ILDR2: variants seen among roughly 807,000 people sequenced by gnomAD.
ILDR2 encodes the protein immunoglobulin-like domain-containing receptor 2.
ILDR2 carries 25 observed loss-of-function variants against 66.8 expected under a neutral mutation model. The observed-to-expected ratio is 0.37, with a 90% CI of 0.27 to 0.52. ILDR2 has a LOEUF of 0.52. Among genes scored for constraint, ILDR2 ranks in the 20% least tolerant of loss-of-function variants. The pLI, the probability that ILDR2 is intolerant of heterozygous loss-of-function variation, is 0.88. For missense variants in ILDR2, 827 were observed against 876.8 expected, an observed-to-expected ratio of 0.94 and a Z score of 0.72; for synonymous variants, 367 against 357.2, an observed-to-expected ratio of 1.03 and a Z score of -0.31.
At chr1:166,950,376 A>AGCG (rs905247543) in intron 3 of ILDR2, among the ~76,000 whole-genome samples, 3 of 152,152 alleles carry the variant, frequency 2.0e-5, no homozygotes, top group Non-Finnish European at 4.4e-5. Context: ...CTCCTTGGTT[A>AGCG]GCGGCACCAG....
At chr1:166,902,853 C>A (rs985332541) in intron 2 of ILDR2, among the ~76,000 whole-genome samples, 1 of 152,192 alleles carries the variant, frequency 6.6e-6, no homozygotes, top group African/African-American at 2.4e-5. Context: ...TCAAGAAATT[C>A]CACTGCTGTT....
At chr1:166,920,529 G>C (rs571499342) in intron 9 of ILDR2, 178 bp downstream of exon 9, 13 of 307,132 alleles carry the variant, frequency 4.2e-5, no homozygotes, top group African/African-American at 2.7e-4. Context: ...GAGTGAGGCT[G>C]AAAAAGCCCC....
At chr1:166,958,670 C>T (rs536758102) in intron 1 of ILDR2, among the ~76,000 whole-genome samples, 4 of 152,328 alleles carry the variant, frequency 2.6e-5, no homozygotes, top group South Asian at 2.1e-4. Flanking sequence ...TATCCAGTCA[C>T]GCATTAAGTC....
At chr1:166,944,890 A>G (rs1410655966) in intron 3 of ILDR2, among the ~76,000 whole-genome samples, 2 of 152,094 alleles carry the variant, frequency 1.3e-5, no homozygotes, top group African/African-American at 4.8e-5. Context: ...TGCCTCCACT[A>G]CCAAGATGGA....
rs561738762 is a variant in ILDR2 at position 166,964,287 on chromosome 1, G to A, written c.47-6186C>T. The stretch of plus-strand genomic sequence containing the variant: ...ACTGTTTTGGTGCCCTGACCTCCAG[G>A]AAAACCACCCTTGACTATCTAATTT... On this transcript the variant is annotated intron_variant, in intron 1 of 9. Coordinates refer to ENST00000271417, the MANE Select transcript of ILDR2 (RefSeq NM_199351.3). Among the ~76,000 whole-genome samples the A allele has an allele frequency of 6.6e-5, 10 of 152,234 alleles. No homozygotes were observed. In the East Asian group the frequency reaches 1.7e-3, roughly 26 times the overall value.
At chr1:166,919,801 CTT>C (rs1389871895) in intron 9 of ILDR2, among the ~76,000 whole-genome samples, 3 of 152,120 alleles carry the variant, frequency 2.0e-5, no homozygotes, top group Non-Finnish European at 4.4e-5. Context: ...GTGTCAAAAT[CTT>C]TTTCTGTTCA....
At chr1:166,900,231 C>T (rs1410883132) in intron 2 of ILDR2, among the ~76,000 whole-genome samples, 1 of 150,688 alleles carries the variant, frequency 6.6e-6, no homozygotes, top group Non-Finnish European at 1.5e-5. Context: ...CTTTCATGCT[C>T]CCCCCACCCC....
chr1:166,958,921 C>A lies in ILDR2; in HGVS notation c.47-820G>T, dbSNP rs1662445149. On this transcript the variant is annotated intron_variant, in intron 1 of 9. Transcript: ENST00000271417. ...AGACCCTTCACTCATCCTCCATAGC[C>A]CTCAGGATAAAACCCAAAGTCCTTG... 2.0e-5 allele frequency among the ~76,000 whole-genome samples: 3 copies of A among 152,290 alleles called. 1 individual carries two copies. In the South Asian group the frequency reaches 6.2e-4, roughly 32 times the overall value.
At chr1:166,897,425 CT>C (rs941339879) in intron 2 of ILDR2, among the ~76,000 whole-genome samples, 1 of 152,134 alleles carries the variant, frequency 6.6e-6, no homozygotes, top group African/African-American at 2.4e-5. Flanking sequence ...TGGACCACCC[CT>C]AATTTATGCT....
rs539724758 is a variant in ILDR2 at position 166,963,197 on chromosome 1, C to A, written c.47-5096G>T. Among the ~76,000 whole-genome samples the A allele has an allele frequency of 2.6e-5, 4 of 152,282 alleles. No homozygotes were observed. The East Asian group carries it at 7.7e-4, about 29-fold the overall frequency. On this transcript the variant is annotated intron_variant, in intron 1 of 9. Coordinates refer to ENST00000271417, the MANE Select transcript of ILDR2 (RefSeq NM_199351.3). ...TAAATATCTCTCAACTTTGATCTTT[C>A]TCTATTCCCACTGTCACTCCCTTAA...
In ILDR2 at chr1:166,920,691, G is replaced by A; in HGVS notation, c.1884+16C>T. 1.5e-6 allele frequency: 2 copies of A among 1,374,702 alleles called. No homozygotes were observed. The highest frequency in any genetic ancestry group is 1.9e-6 in the Non-Finnish European group (2 of 1,059,580). 85.2% of individuals were successfully genotyped at this position (1,374,702 alleles called of 1,614,324 possible). On this transcript the variant is annotated intron_variant, in intron 9 of 9. Coordinates refer to ENST00000271417, the MANE Select transcript of ILDR2 (RefSeq NM_199351.3). The stretch of plus-strand genomic sequence containing the variant: ...GCTCAGTCCCCTCGGAGGAGGGGAG[G>A]CAGACGCAGTCTCACGGTTTTCTTG...
chr1:166,956,695 G>A (rs750430386), intron 3 of ILDR2, 38 bp downstream of exon 3: 1 of 1,608,900 alleles, frequency 6.2e-7, no homozygotes, highest in South Asian at 1.1e-5. Flanking sequence ...AAGTGCAAGT[G>A]GTCTAAGATG....
rs528297392 is a variant in ILDR2 at position 166,927,721 on chromosome 1, T to C, written c.881-541A>G. ...AAACTGAGTTGTGTATAAGAGCTAATATTAATTTCTAGACCATATACATAG... is the reference window on the plus strand; with the variant it reads ...AAACTGAGTTGTGTATAAGAGCTAACATTAATTTCTAGACCATATACATAG... On this transcript the variant is annotated intron_variant, in intron 6 of 9. Transcript: ENST00000271417. Among the ~76,000 whole-genome samples the C allele has an allele frequency of 3.3e-5, 5 of 152,372 alleles. No individual in the cohort carries two copies. The East Asian group carries it at 9.6e-4, about 29-fold the overall frequency.
At chr1:166,957,367 G>T (rs543239745) in intron 2 of ILDR2, among the ~76,000 whole-genome samples, 1 of 152,126 alleles carries the variant, frequency 6.6e-6, no homozygotes, top group African/African-American at 2.4e-5. Context: ...GTATGCATAC[G>T]TCCCTTCTCC....
At chr1:166,907,121 T>A (rs1202505989), downstream of ILDR2, 1 of 152,252 alleles carries the variant, frequency 6.6e-6, no homozygotes, top group African/African-American at 2.4e-5. Flanking sequence ...TTGGCAGCAT[T>A]ATCAAAGCTG....
downstream of ILDR2, among the ~76,000 whole-genome samples, chr1:166,904,317 T>C (rs1659306441): frequency 6.6e-6 from 1 of 152,186 alleles, no homozygotes; most frequent in Admixed American, 6.5e-5. Context: ...CTCTTGGGTG[T>C]GACTCTGAAC....
intron 3 of ILDR2, among the ~76,000 whole-genome samples, chr1:166,955,242 A>G (rs1181380423): frequency 6.6e-6 from 1 of 152,208 alleles, no homozygotes; most frequent in Non-Finnish European, 1.5e-5. Flanking sequence ...TATTGGACCC[A>G]AAGACTTTGT....
rs1259896755 is a variant in ILDR2, at chr1:166,911,674, G to GT, written c.*7680dup. 1.4e-5 allele frequency: 2 copies of GT among 145,448 alleles called. No individual in the cohort carries two copies. The highest frequency in any genetic ancestry group is 2.5e-5 in the African/African-American group (1 of 39,922). 9.0% of individuals were successfully genotyped at this position (145,448 alleles called of 1,614,324 possible). A position where few individuals can be genotyped will look rare whatever the true frequency, so the allele number is the denominator to read the frequency against. On this transcript the variant is annotated 3_prime_UTR_variant, in exon 10 of 10. Transcript: ENST00000271417. ...AGGGCATTGTAAAAAAAAAAAAAGA[G>GT]TAAGTCACAAGACAACAGGGACTAT... is the stretch of plus-strand genomic sequence containing the variant.
In ILDR2 at chr1:166,957,932, C is replaced by T. The variant is rs536442438; in HGVS notation, c.216G>A (p.Met72Ile). ...TGAGAGATTGGGCCCGGGTAGAGGACATGCCCAAGGATTCTCCCATGCGAT... is the reference window on the plus strand; with the variant it reads ...TGAGAGATTGGGCCCGGGTAGAGGATATGCCCAAGGATTCTCCCATGCGAT... Reference protein sequence around the residue: ...CQDRMGESLGMSSTRAQSLSK... With the variant: ...CQDRMGESLGISSTRAQSLSK... The change falls in exon 2 of 10, where the codon ATG (methionine) becomes ATA (isoleucine). Residue 72 changes from methionine to isoleucine, a missense_variant. By Grantham distance (10) the Met-to-Ile change is conservative (BLOSUM62 1). This residue lies in a region of ILDR2 where 437 missense variants were observed against 523.2 expected (regional missense o/e 0.84). Coordinates refer to ENST00000271417, the MANE Select transcript of ILDR2 (RefSeq NM_199351.3). 1.9e-6 allele frequency: 3 copies of T among 1,614,152 alleles called. No individual in the cohort carries two copies. In the African/African-American group the frequency reaches 4.0e-5, roughly 22 times the overall value.
Sources: gnomAD v4.1 joint callset for allele counts (sites outside exome capture counted in the v4.1 genomes callset) on GRCh38, gnomAD v4.1.1 for gene constraint, gnomAD v4.1.1 regional missense constraint, MANE v1.5 for transcripts, NCBI Gene and HGNC (gene_info 2026-07-23, HGNC 2026-07-21) for gene names.